Variants in HIPK3 observed in about 807,000 individuals in gnomAD.
HIPK3 encodes homeodomain interacting protein kinase 3.
HIPK3 carries 47 observed loss-of-function variants against 124.2 expected under a neutral mutation model. The observed-to-expected ratio is 0.38, with a 90% confidence interval of 0.30 to 0.48. The LOEUF (loss-of-function observed/expected upper bound fraction) is 0.48. Among genes scored for constraint, HIPK3 ranks in the 20% least tolerant of loss-of-function variants. HIPK3 has a pLI of 0.98. For missense variants in HIPK3, 1,286 were observed against 1,454.3 expected (o/e 0.88, Z 1.88); for synonymous variants, 482 against 515.2 (o/e 0.94, Z 0.87).
chr11:33,317,161 G>A (rs1294866946), intron 2 of HIPK3, among the ~76,000 whole-genome samples: 3 of 151,906 alleles, frequency 2.0e-5, no homozygotes, highest in Non-Finnish European at 4.4e-5. Context: ...AGTAGAGATG[G>A]GGTTTTGCCG....
Position 33,305,969 on chromosome 11 carries a change from C to T in HIPK3, c.1097+18458C>T, listed in dbSNP as rs1056494678. 3.3e-5 allele frequency among the ~76,000 whole-genome samples: 5 copies of T among 152,170 alleles called. No individual in the cohort carries two copies. In the East Asian group the frequency reaches 5.8e-4, roughly 18 times the overall value. On this transcript the variant is annotated intron_variant, in intron 2 of 16. Coordinates refer to ENST00000303296, the MANE Select transcript of HIPK3 (RefSeq NM_005734.5). ...CTGCTGTTGGACTCCTGGGCTCAAG[C>T]GTTCCTCTTGCCTCAGCCTCCTGAG...
In HIPK3 at chr11:33,347,332, T is replaced by C. The variant is rs1853525153; in HGVS notation, c.1937T>C (p.Ile646Thr). ...CATGGTAAACCCACCAGTTATTCAA[T>C]AAGGGTAGATAATACAGTTCCACTT... ...ATHGKPTSYS[I>T]RVDNTVPLVT... Residue 646 changes from isoleucine (I) to threonine (T), a missense_variant, in exon 9 of 17, where the codon ATA (isoleucine) becomes ACA (threonine). This residue lies in a region of HIPK3 where 810 missense variants were observed against 864.9 expected (regional missense o/e 0.94). Transcript: ENST00000303296. 1 of 1,613,442 alleles carries C rather than the reference T, an allele frequency of 6.2e-7. No homozygotes were observed. The highest frequency in any genetic ancestry group is 1.3e-5 in the African/African-American group (1 of 74,926).
Position 33,310,228 on chromosome 11 carries a change from TTGTCTGTCTGTC to T in HIPK3, c.1098-18244_1098-18233del, listed in dbSNP as rs67183549. Among the ~76,000 whole-genome samples, 1,034 of 146,478 alleles carry T rather than the reference TTGTCTGTCTGTC, an allele frequency of 7.1e-3. 17 individuals carry two copies. Among genetic ancestry groups the T allele is most frequent in the African/African-American group, 0.022 (865 of 38,470 alleles). On this transcript the variant is annotated intron_variant, in intron 2 of 16. Coordinates refer to ENST00000303296, the MANE Select transcript of HIPK3 (RefSeq NM_005734.5). ...ACTGTGGCTGGCTGGCTGGCTATCT[TTGTCTGTCTGTC>T]TGTCTGTCTGTCTGTCTGTCTGTCT...
chr11:33,347,816 T>C lies in HIPK3; in HGVS notation c.2145-36T>C, dbSNP rs767954697. 5 of 1,613,310 alleles carry C rather than the reference T, an allele frequency of 3.1e-6. No homozygotes were observed. In the Admixed American group the frequency reaches 6.7e-5, roughly 22 times the overall value. ...AGACTAGATCTTGATTAAAGAAAGA[T>C]CTTGATTAAAAACATTGTTCTGAAC... On this transcript the variant is annotated intron_variant, in intron 10 of 16. Coordinates refer to ENST00000303296, the MANE Select transcript of HIPK3 (RefSeq NM_005734.5).
intron 6 of HIPK3, among the ~76,000 whole-genome samples, chr11:33,339,916 A>G (rs2133985037): frequency 6.6e-6 from 1 of 152,224 alleles, no homozygotes; most frequent in South Asian, 2.1e-4. Context: ...CTTCCATTTT[A>G]CATTTTTTTT....
intron 8 of HIPK3, among the ~76,000 whole-genome samples, chr11:33,345,201 T>G (rs1168383069): frequency 3.3e-5 from 5 of 152,168 alleles, no homozygotes; most frequent in African/African-American, 1.2e-4. Flanking sequence ...AGCTTTTATT[T>G]AACATCTGAG....
At chr11:33,294,110 C>T (rs1160633451) in intron 2 of HIPK3, among the ~76,000 whole-genome samples, 4 of 150,706 alleles carry the variant, frequency 2.7e-5, no homozygotes, top group East Asian at 1.9e-4. Context: ...GCCAAGATCG[C>T]GCCATTGCAC....
At chr11:33,312,456 A>G (rs1433291183) in intron 2 of HIPK3, among the ~76,000 whole-genome samples, 1 of 152,210 alleles carries the variant, frequency 6.6e-6, no homozygotes, top group Non-Finnish European at 1.5e-5. Context: ...TTTCATTTAA[A>G]ATACAGATTA....
intron 2 of HIPK3, among the ~76,000 whole-genome samples, chr11:33,312,935 T>A (rs1022446388): frequency 2.0e-5 from 3 of 152,212 alleles, no homozygotes; most frequent in Non-Finnish European, 4.4e-5. Context: ...TTGTAAGTAA[T>A]TGCCAGAGTT....
intron 3 of HIPK3, among the ~76,000 whole-genome samples, chr11:33,331,273 T>C (rs914521642): frequency 6.6e-6 from 1 of 152,222 alleles, no homozygotes; most frequent in Non-Finnish European, 1.5e-5. Flanking sequence ...GATCACCTAA[T>C]GTTAGGATGT....
chr11:33,322,060 C>T (rs549876415), intron 2 of HIPK3, among the ~76,000 whole-genome samples: 2 of 152,016 alleles, frequency 1.3e-5, no homozygotes, highest in Non-Finnish European at 2.9e-5. Flanking sequence ...AGTGCAGTGG[C>T]GCGATCTTGG....
In HIPK3 at chr11:33,287,359, T is replaced by C. The variant is rs773601557; in HGVS notation, c.945T>C (p.Ser315=). The C allele has an allele frequency of 1.2e-6, 2 of 1,614,152 alleles. No homozygotes were observed. Among genetic ancestry groups the C allele is most frequent in the Non-Finnish European group, 1.7e-6 (2 of 1,180,018 alleles). Residue 315 remains serine (S), a synonymous_variant, in exon 2 of 17, where the codon AGT becomes AGC. Coordinates refer to ENST00000303296, the MANE Select transcript of HIPK3 (RefSeq NM_005734.5). ...QVATALKKLK[S]LGLIHADLKP... ...CCACTGCACTGAAAAAATTGAAAAGTCTTGGTTTAATTCATGCTGATCTCA... is the reference window on the plus strand; with the variant it reads ...CCACTGCACTGAAAAAATTGAAAAGCCTTGGTTTAATTCATGCTGATCTCA...
chr11:33,260,587 G>A (rs1850795034), intron 1 of HIPK3, among the ~76,000 whole-genome samples: 1 of 152,146 alleles, frequency 6.6e-6, no homozygotes, highest in Non-Finnish European at 1.5e-5. Flanking sequence ...CATAGCAACA[G>A]TTTACCAAGT....
chr11:33,298,820 G>A (rs573454314), intron 2 of HIPK3, among the ~76,000 whole-genome samples: 1 of 152,270 alleles, frequency 6.6e-6, no homozygotes, highest in South Asian at 2.1e-4. Flanking sequence ...GCAATCTGAC[G>A]ATTAAACTTG....
chr11:33,305,403 G>C (rs1216789173), intron 2 of HIPK3, among the ~76,000 whole-genome samples: 1 of 152,100 alleles, frequency 6.6e-6, no homozygotes, highest in Non-Finnish European at 1.5e-5. Flanking sequence ...CTTATATGAG[G>C]AATAAGAATC....
At chr11:33,311,868 A>ACACACACACACACT (rs1376720961) in intron 2 of HIPK3, among the ~76,000 whole-genome samples, 1 of 141,986 alleles carries the variant, frequency 7.0e-6, no homozygotes, top group African/African-American at 2.6e-5. Flanking sequence ...ACACACACAC[A>ACACACACACACACT]CTACACACAC....
intron 2 of HIPK3, among the ~76,000 whole-genome samples, chr11:33,294,264 A>C (rs1370867005): frequency 6.9e-6 from 1 of 145,676 alleles, no homozygotes; most frequent in Admixed American, 7.1e-5. Context: ...TATCTTCAAC[A>C]TACAAAATAA....
At chr11:33,331,472 C>T (rs1227490367) in intron 3 of HIPK3, among the ~76,000 whole-genome samples, 5 of 152,114 alleles carry the variant, frequency 3.3e-5, no homozygotes, top group Admixed American at 3.3e-4. Flanking sequence ...CTACTGGGCT[C>T]GAGGAATCCT....
Position 33,341,169 on chromosome 11 carries a change from A to G in HIPK3, c.1773+42A>G, listed in dbSNP as rs771611841. 1.4e-5 allele frequency: 20 copies of G among 1,418,512 alleles called. No homozygotes were observed. The South Asian group carries it at 2.1e-4, about 15-fold the overall frequency. 87.9% of individuals were successfully genotyped at this position (1,418,512 alleles called of 1,614,324 possible). On this transcript the variant is annotated intron_variant, in intron 7 of 16. Transcript: ENST00000303296. ...ATTAATAACTTAGGGTCTTTTTTTA[A>G]TGATTGCGCATTTTACTTTTGATAT...
Sources: gnomAD v4.1 joint callset for allele counts (sites outside exome capture counted in the v4.1 genomes callset) on GRCh38, gnomAD v4.1.1 for gene constraint, gnomAD v4.1.1 regional missense constraint, MANE v1.5 for transcripts, NCBI Gene and HGNC (gene_info 2026-07-23, HGNC 2026-07-21) for gene names.